KCNH7: variants seen among roughly 807,000 people sequenced by gnomAD.
KCNH7 encodes the protein potassium voltage-gated channel subfamily H member 7, also known as voltage-gated inwardly rectifying potassium channel KCNH7.
Under a neutral mutation model 120.8 loss-of-function variants are expected in KCNH7, and 49 were observed. The observed-to-expected ratio is 0.41, with a 90% CI of 0.32 to 0.51. KCNH7 has a LOEUF of 0.51. Ranked by LOEUF, KCNH7 falls within the 20% of genes least tolerant of loss-of-function variation. KCNH7 has a pLI of 0.38. For missense variants in KCNH7, 1,097 were observed against 1,446.6 expected, an observed-to-expected ratio of 0.76 and a Z score of 3.92; for synonymous variants, 547 against 516.1, an observed-to-expected ratio of 1.06 and a Z score of -0.81.
At chr2:162,391,349 C>T (rs756781412) in intron 12 of KCNH7, among the ~76,000 whole-genome samples, 3 of 152,018 alleles carry the variant, frequency 2.0e-5, no homozygotes, top group African/African-American at 2.4e-5. Flanking sequence ...TGAATGCTCA[C>T]CTTAAGAGAA....
chr2:162,820,681 C>T (rs1685090535), intron 2 of KCNH7, among the ~76,000 whole-genome samples: 1 of 152,220 alleles, frequency 6.6e-6, no homozygotes, highest in Middle Eastern at 3.4e-3. Flanking sequence ...TGCTTACAAA[C>T]TCAATTTTCA....
chr2:162,792,200 G>A (rs1683972146), intron 2 of KCNH7, among the ~76,000 whole-genome samples: 1 of 151,956 alleles, frequency 6.6e-6, no homozygotes, highest in Admixed American at 6.6e-5. Flanking sequence ...ATTTTGTTGA[G>A]GATTTTTGCA....
intron 6 of KCNH7, among the ~76,000 whole-genome samples, chr2:162,491,366 T>C (rs944855129): frequency 6.6e-6 from 1 of 152,196 alleles, no homozygotes; most frequent in Non-Finnish European, 1.5e-5. Flanking sequence ...AGAGGTTTTT[T>C]TGTTTCCTTT....
At chr2:162,418,363 C>T (rs1231240622) in intron 9 of KCNH7, among the ~76,000 whole-genome samples, 3 of 151,998 alleles carry the variant, frequency 2.0e-5, no homozygotes, top group African/African-American at 7.2e-5. Context: ...CAGTCTAGGT[C>T]ATGGACTGTA....
intron 1 of KCNH7, among the ~76,000 whole-genome samples, 200 bp from the exon 2 acceptor site, chr2:162,836,967 T>A (rs1685686807): frequency 6.6e-6 from 1 of 152,170 alleles, no homozygotes; most frequent in East Asian, 1.9e-4. Flanking sequence ...TAAGTAATTT[T>A]AACAGAAAGT....
intron 2 of KCNH7, among the ~76,000 whole-genome samples, chr2:162,567,923 T>G (rs1301739958): frequency 6.6e-6 from 1 of 152,030 alleles, no homozygotes; most frequent in Non-Finnish European, 1.5e-5. Flanking sequence ...ATACTTACCA[T>G]TGTTTTACAA....
chr2:162,688,758 C>G (rs1389224566), intron 2 of KCNH7, among the ~76,000 whole-genome samples: 7 of 136,222 alleles, frequency 5.1e-5, no homozygotes, highest in African/African-American at 1.9e-4. Context: ...CTTTTTTGGT[C>G]TCTGCTGTCT....
chr2:162,493,246 A>C (rs569927525), intron 6 of KCNH7, among the ~76,000 whole-genome samples: 1 of 152,070 alleles, frequency 6.6e-6, no homozygotes, highest in East Asian at 1.9e-4. Context: ...CAACTATTGG[A>C]TCTTCTTCTG....
chr2:162,456,455 T>C (rs934066727), intron 6 of KCNH7, among the ~76,000 whole-genome samples: 2 of 152,154 alleles, frequency 1.3e-5, no homozygotes, highest in African/African-American at 4.8e-5. Flanking sequence ...ATAAGTGTCA[T>C]GTGGCACTGA....
At chr2:162,637,644 G>A (rs1416977390) in intron 2 of KCNH7, among the ~76,000 whole-genome samples, 6 of 151,866 alleles carry the variant, frequency 4.0e-5, no homozygotes, top group Non-Finnish European at 8.8e-5. Context: ...TTGATAATTA[G>A]CTTGATTTAG....
chr2:162,373,721 A>G, intron 14 of KCNH7, 59 bp from the exon 15 acceptor site: 1 of 1,235,048 alleles, frequency 8.1e-7, no homozygotes, highest in Non-Finnish European at 1.1e-6. Context: ...TTTCAGGAGC[A>G]TTTAAAAAAA....
intron 2 of KCNH7, among the ~76,000 whole-genome samples, chr2:162,648,428 A>G (rs934185667): frequency 2.0e-5 from 3 of 152,290 alleles, no homozygotes; most frequent in East Asian, 1.9e-4. Flanking sequence ...ACACATGGAT[A>G]TTACAATTTC....
At chr2:162,684,641 C>T (rs1281021528) in intron 2 of KCNH7, among the ~76,000 whole-genome samples, 3 of 152,126 alleles carry the variant, frequency 2.0e-5, no homozygotes, top group Non-Finnish European at 4.4e-5. Flanking sequence ...ATCAAAACCA[C>T]AATGAGATGC....
intron 6 of KCNH7, among the ~76,000 whole-genome samples, chr2:162,476,414 T>C (rs190540106): frequency 5.1e-4 from 77 of 152,372 alleles, no homozygotes; most frequent in Admixed American, 3.5e-3. Flanking sequence ...AAACTCATTA[T>C]CCTGAAACTA....
chr2:162,597,559 G>A (rs534097718), intron 2 of KCNH7, among the ~76,000 whole-genome samples: 3 of 152,166 alleles, frequency 2.0e-5, no homozygotes, highest in East Asian at 1.9e-4. Context: ...AAATGGCAGC[G>A]TTGGTGGAGA....
chr2:162,613,787 A>C lies in KCNH7; in HGVS notation c.308-76707T>G, dbSNP rs16847000. ...GAAGGGCAAAAAATGGGATTGGAGA[A>C]ATATACTGGATAAAAATAACACGTA... On this transcript the variant is annotated intron_variant, in intron 2 of 15. Transcript: ENST00000332142. Among the ~76,000 whole-genome samples the C allele has an allele frequency of 3.5e-3, 539 of 152,096 alleles. 6 individuals carry two copies. The highest frequency in any genetic ancestry group is 0.012 in the African/African-American group (516 of 41,548).
At chr2:162,411,565 T>C (rs1276290527) in intron 9 of KCNH7, among the ~76,000 whole-genome samples, 1 of 151,876 alleles carries the variant, frequency 6.6e-6, no homozygotes, top group East Asian at 1.9e-4. Context: ...ACAATTTACC[T>C]ATGTAACAAA....
At chr2:162,659,973 T>C (rs1310210657) in intron 2 of KCNH7, among the ~76,000 whole-genome samples, 1 of 152,064 alleles carries the variant, frequency 6.6e-6, no homozygotes, top group Admixed American at 6.6e-5. Context: ...TGTAGTGATG[T>C]CTCCTCTTCC....
At chr2:162,664,183 C>A (rs1432254016) in intron 2 of KCNH7, among the ~76,000 whole-genome samples, 1 of 152,054 alleles carries the variant, frequency 6.6e-6, no homozygotes, top group Non-Finnish European at 1.5e-5. Flanking sequence ...TTCAAGACAC[C>A]CTTTAAGAAC....
Sources: gnomAD v4.1 joint callset for allele counts (sites outside exome capture counted in the v4.1 genomes callset) on GRCh38, gnomAD v4.1.1 for gene constraint, MANE v1.5 for transcripts, NCBI Gene and HGNC (gene_info 2026-07-23, HGNC 2026-07-21) for gene names.